Variants in GDA observed in about 807,000 individuals in gnomAD.
GDA encodes cytoplasmic PSD-95 interactor.
A neutral mutation model predicts 59.6 loss-of-function variants in GDA; 18 were observed. The observed-to-expected ratio is 0.30, with a 90% CI of 0.21 to 0.45. The LOEUF is 0.45. Among genes scored for constraint, GDA ranks in the 20% least tolerant of loss-of-function variants. The probability of loss-of-function intolerance (pLI) is 1.00; values close to 1 mark genes in which losing one functional copy is unlikely to be tolerated. For missense variants in GDA, 427 were observed against 552.3 expected, an observed-to-expected ratio of 0.77 and a Z score of 2.27; for synonymous variants, 201 against 201.1, an observed-to-expected ratio of 1.00 and a Z score of 0.00.
At chr9:72,207,274 A>G (rs761212629) in intron 3 of GDA, among the ~76,000 whole-genome samples, 1 of 151,810 alleles carries the variant, frequency 6.6e-6, no homozygotes, top group Non-Finnish European at 1.5e-5. Flanking sequence ...TCTTCAATCT[A>G]TTCTTCCTTT....
intron 5 of GDA, chr9:72,214,900 A>AT: frequency 5.5e-6 from 1 of 182,980 alleles, no homozygotes; most frequent in South Asian, 8.2e-5. Context: ...CACCCAGCTA[A>AT]TTTTTGTATT....
chr9:72,129,881 G>T (rs11998865), intron 1 of GDA, among the ~76,000 whole-genome samples: 1,809 of 152,278 alleles, frequency 0.012, 41 homozygotes, highest in African/African-American at 0.041. Flanking sequence ...AAAGTCCCAG[G>T]TTAGGTCAGA....
chr9:72,152,849 A>T (rs1426901897), intron 1 of GDA, among the ~76,000 whole-genome samples: 25 of 152,136 alleles, frequency 1.6e-4, no homozygotes, highest in African/African-American at 6.0e-4. Context: ...GGTGTTTTAG[A>T]CATGAAGTCC....
intron 1 of GDA, among the ~76,000 whole-genome samples, chr9:72,164,019 GAGA>G (rs1164879603): frequency 2.6e-5 from 4 of 152,230 alleles, no homozygotes; most frequent in Admixed American, 2.0e-4. Context: ...ACATAGGGAA[GAGA>G]AGAAGAGGTC....
rs1375402380 is a variant in GDA, at chr9:72,215,069, A to G, written c.578+1078A>G. Among the ~76,000 whole-genome samples the G allele has an allele frequency of 2.6e-5, 4 of 152,172 alleles. No homozygotes were observed. In the East Asian group the frequency reaches 5.8e-4, roughly 22 times the overall value. On this transcript the variant is annotated intron_variant, in intron 5 of 13. Transcript: ENST00000358399. ...TCTCTCATGATATAGATCACACCTC[A>G]TATTCAATGTAAGTAAAGAGAATAA...
chr9:72,116,595 C>T (rs1324047753), intron 1 of GDA, among the ~76,000 whole-genome samples: 1 of 151,968 alleles, frequency 6.6e-6, no homozygotes, highest in Non-Finnish European at 1.5e-5. Context: ...GTTGGTTGGC[C>T]AGGATGGTCT....
At chr9:72,151,889 C>T (rs1827257342) in intron 1 of GDA, among the ~76,000 whole-genome samples, 1 of 152,142 alleles carries the variant, frequency 6.6e-6, no homozygotes. Context: ...AGGCGTGAGC[C>T]ACCGCGCCGG....
intron 2 of GDA, among the ~76,000 whole-genome samples, chr9:72,202,094 A>G (rs1834070335): frequency 6.6e-6 from 1 of 152,230 alleles, no homozygotes; most frequent in African/African-American, 2.4e-5. Flanking sequence ...GATCAAGATG[A>G]CTGCTGAGTC....
At position 72,137,246 on chromosome 9, in the gene GDA, T is replaced by TC. The variant is rs1282528595; in HGVS notation, c.-100+22413_-100+22414insC. Among the ~76,000 whole-genome samples the TC allele has an allele frequency of 4.6e-3, 584 of 127,256 alleles. 3 individuals carry two copies. Among genetic ancestry groups the TC allele is most frequent in the Non-Finnish European group, 6.2e-3 (366 of 58,978 alleles). The allele number at this position is 127,256 out of a possible 152,430, so 83.5% of individuals were successfully genotyped here. A position where few individuals can be genotyped will look rare whatever the true frequency, so the allele number is the denominator to read the frequency against. ...TTAGGATCCTTTTCTTTTTTTCTTT[T>TC]TTTTTTTTTTTTTTTTTGAGACGGA... On this transcript the variant is annotated intron_variant, in intron 1 of 13. Coordinates refer to the GDA transcript ENST00000545168.
chr9:72,180,416 G>A (rs915143106), intron 1 of GDA, among the ~76,000 whole-genome samples: 2 of 152,032 alleles, frequency 1.3e-5, no homozygotes, highest in Non-Finnish European at 2.9e-5. Context: ...GTACTTTTGT[G>A]TGTGCCTGCA....
chr9:72,197,712 T>C (rs988682456), intron 2 of GDA, among the ~76,000 whole-genome samples: 2 of 152,162 alleles, frequency 1.3e-5, no homozygotes, highest in South Asian at 4.1e-4. Flanking sequence ...GACTGAAGTC[T>C]TTGAAGAAAG....
intron 1 of GDA, among the ~76,000 whole-genome samples, chr9:72,118,275 A>G (rs370937773): frequency 2.0e-5 from 2 of 99,928 alleles, no homozygotes; most frequent in African/African-American, 7.2e-5. Flanking sequence ...CTCCACCTCA[A>G]AAAAAAAAAA....
chr9:72,123,377 G>A (rs535516059), intron 1 of GDA, among the ~76,000 whole-genome samples: 1 of 150,646 alleles, frequency 6.6e-6, no homozygotes, highest in South Asian at 2.1e-4. Flanking sequence ...TAGAGACATG[G>A]TTTCACCGTG....
At chr9:72,230,222 G>A (rs1026319284) in intron 9 of GDA, among the ~76,000 whole-genome samples, 2 of 152,104 alleles carry the variant, frequency 1.3e-5, no homozygotes, top group Non-Finnish European at 2.9e-5. Flanking sequence ...GGTGGGCATG[G>A]TGGCTCATGC....
intron 1 of GDA, among the ~76,000 whole-genome samples, chr9:72,179,982 G>C (rs945251776): frequency 1.3e-5 from 2 of 151,824 alleles, no homozygotes; most frequent in Non-Finnish European, 1.5e-5. Context: ...CTGGCGGGGG[G>C]GGTTAGGACT....
chr9:72,133,395 T>C (rs1826107098), intron 1 of GDA, among the ~76,000 whole-genome samples: 1 of 151,864 alleles, frequency 6.6e-6, no homozygotes, highest in South Asian at 2.1e-4. Context: ...TATCTATTGA[T>C]TTGCAGGTTC....
intron 1 of GDA, among the ~76,000 whole-genome samples, chr9:72,129,828 A>G (rs1315626272): frequency 4.6e-5 from 7 of 152,188 alleles, no homozygotes; most frequent in Admixed American, 2.0e-4. Context: ...CTTGGTAAGC[A>G]TGAAGGAAGG....
intron 2 of GDA, among the ~76,000 whole-genome samples, chr9:72,197,787 C>G (rs1833378690): frequency 6.6e-6 from 1 of 152,140 alleles, no homozygotes; most frequent in African/African-American, 2.4e-5. Flanking sequence ...GAATTTAAGT[C>G]ATGATTAAAA....
intron 1 of GDA, among the ~76,000 whole-genome samples, chr9:72,133,287 TAAAA>T (rs1257876460): frequency 2.9e-4 from 28 of 95,520 alleles, no homozygotes; most frequent in African/African-American, 9.5e-4. Context: ...AGACTCTGTC[TAAAA>T]AAAAAAAAAA....
Sources: allele counts gnomAD v4.1 joint callset (sites outside exome capture counted in the v4.1 genomes callset), GRCh38; gene constraint gnomAD v4.1.1; transcripts MANE v1.5; gene names NCBI Gene and HGNC (gene_info 2026-07-23, HGNC 2026-07-21).